The following FLRT2 variants were observed in gnomAD, a reference collection of about 807,000 sequenced individuals.
FLRT2 encodes fibronectin leucine rich transmembrane protein 2, also known as leucine-rich repeat transmembrane protein FLRT2.
A neutral mutation model predicts 40.0 loss-of-function variants in FLRT2; 15 were observed. That is an observed-to-expected ratio of 0.38 (90% confidence interval 0.25 to 0.58). The LOEUF (loss-of-function observed/expected upper bound fraction) is 0.58, where lower values mean the gene tolerates loss of function less well. Among genes scored for constraint, FLRT2 ranks in the 20% least tolerant of loss-of-function variants. FLRT2 has a pLI of 0.71. For synonymous variants in FLRT2, 380 were observed against 336.8 expected (o/e 1.13, Z -1.41); for missense variants, 726 against 840.0 (o/e 0.86, Z 1.68).
intron 1 of FLRT2, among the ~76,000 whole-genome samples, chr14:85,539,952 G>C (rs1008232682): frequency 6.6e-6 from 1 of 152,062 alleles, no homozygotes; most frequent in East Asian, 1.9e-4. Flanking sequence ...CTCCTTTTCT[G>C]AGTTTGCGCT....
chr14:85,615,877 T>G (rs1052803621), intron 1 of FLRT2, among the ~76,000 whole-genome samples: 4 of 152,226 alleles, frequency 2.6e-5, no homozygotes, highest in Admixed American at 2.0e-4. Context: ...CAATTCTTAT[T>G]TTCTGTACTA....
At chr14:85,583,635 C>A (rs780256899) in intron 1 of FLRT2, among the ~76,000 whole-genome samples, 1 of 152,094 alleles carries the variant, frequency 6.6e-6, no homozygotes, top group Non-Finnish European at 1.5e-5. Flanking sequence ...GCTCCTGGTC[C>A]GCTTAAAGAA....
intron 1 of FLRT2, among the ~76,000 whole-genome samples, chr14:85,578,915 G>A (rs538399956): frequency 6.6e-6 from 1 of 152,290 alleles, no homozygotes; most frequent in African/African-American, 2.4e-5. Context: ...GAGATGTCTT[G>A]CAAACTTGGG....
Position 85,623,551 on chromosome 14 carries a change from T to G in FLRT2, c.*54T>G. The G allele has an allele frequency of 7.6e-7, 1 of 1,319,204 alleles. No homozygotes were observed. The highest frequency in any genetic ancestry group is 1.0e-6 in the Non-Finnish European group (1 of 1,004,872). 81.7% of individuals were successfully genotyped at this position (1,319,204 alleles called of 1,614,324 possible). ...GACAATTAGACTCTTGAGAACACAC[T>G]CGTGTGTGCACATAAAGACACGCAG... On this transcript the variant is annotated 3_prime_UTR_variant, in exon 2 of 2. Transcript: ENST00000330753.
intron 1 of FLRT2, among the ~76,000 whole-genome samples, chr14:85,578,225 T>G (rs571214558): frequency 6.8e-6 from 1 of 146,690 alleles, no homozygotes; most frequent in African/African-American, 2.5e-5. Flanking sequence ...CGTATATATA[T>G]TTATATATTT....
intron 1 of FLRT2, among the ~76,000 whole-genome samples, chr14:85,583,095 T>G (rs1386743432): frequency 6.6e-6 from 1 of 152,128 alleles, no homozygotes; most frequent in Non-Finnish European, 1.5e-5. Context: ...GGGTTAGGAC[T>G]CTAGGAACTG....
At chr14:85,565,576 A>G (rs754074749) in intron 1 of FLRT2, among the ~76,000 whole-genome samples, 5 of 152,176 alleles carry the variant, frequency 3.3e-5, no homozygotes, top group Non-Finnish European at 7.3e-5. Context: ...AAATTTTTGA[A>G]TGATTTTAGA....
intron 1 of FLRT2, among the ~76,000 whole-genome samples, chr14:85,558,825 T>C (rs1447231931): frequency 6.6e-6 from 1 of 152,230 alleles, no homozygotes; most frequent in East Asian, 1.9e-4. Flanking sequence ...GGTTTGTCTT[T>C]AGAGTGATTG....
chr14:85,641,324 A>C lies in FLRT2; in HGVS notation c.*17827A>C, dbSNP rs1237981961. ...ATTTGCTGGACTCCATTATGTTTGG[A>C]TTCTATGTATAAATTAGGTTCTACC... On this transcript the variant is annotated 3_prime_UTR_variant, in exon 2 of 2. Transcript: ENST00000330753. 2 of 152,084 alleles carry C rather than the reference A, an allele frequency of 1.3e-5. No individual in the cohort carries two copies. The highest frequency in any genetic ancestry group is 4.8e-5 in the African/African-American group (2 of 41,400). 9.4% of individuals were successfully genotyped at this position (152,084 alleles called of 1,614,324 possible).
rs1217365595 is a variant in FLRT2, at chr14:85,627,418, T to C, written c.*3921T>C. ...TAGCAATGGGGAATGCTTGTCACTG[T>C]GGAGAAAGAGTTTTGTATATGTCTG... On this transcript the variant is annotated 3_prime_UTR_variant, in exon 2 of 2. Transcript: ENST00000330753. 6.0e-6 allele frequency: 1 copy of C among 167,094 alleles called. No individual in the cohort carries two copies. Among genetic ancestry groups the C allele is most frequent in the African/African-American group, 2.4e-5 (1 of 41,442 alleles). 10.4% of individuals were successfully genotyped at this position (167,094 alleles called of 1,614,324 possible).
chr14:85,535,904 TTTTTTTTTTTTTTTTTTG>T lies in FLRT2; in HGVS notation c.-377+5373_-377+5390del, dbSNP rs997286227. Among the ~76,000 whole-genome samples, 4 of 76,886 alleles carry T rather than the reference TTTTTTTTTTTTTTTTTTG, an allele frequency of 5.2e-5. 1 individual carries two copies. The highest frequency in any genetic ancestry group is 9.9e-5 in the Non-Finnish European group (4 of 40,282). 50.4% of individuals were successfully genotyped at this position (76,886 alleles called of 152,430 possible). A position where few individuals can be genotyped will look rare whatever the true frequency, so the allele number is the denominator to read the frequency against. ...TGGAAGGAATGCTGTTTTTTTTTTT[TTTTTTTTTTTTTTTTTTG>T]TTGTTGTTGTTGTTGTTGTTGTTTT... On this transcript the variant is annotated intron_variant, in intron 1 of 1. Transcript: ENST00000330753.
At chr14:85,565,726 T>A (rs1040513477) in intron 1 of FLRT2, among the ~76,000 whole-genome samples, 36 of 152,252 alleles carry the variant, frequency 2.4e-4, no homozygotes, top group South Asian at 4.2e-4. Flanking sequence ...GAAGTAGCAT[T>A]AAAAGAATCC....
intron 1 of FLRT2, among the ~76,000 whole-genome samples, chr14:85,573,654 G>A (rs1161847159): frequency 6.6e-6 from 1 of 152,140 alleles, no homozygotes; most frequent in African/African-American, 2.4e-5. Context: ...TGACAGCATG[G>A]AGTAAATTCT....
intron 1 of FLRT2, among the ~76,000 whole-genome samples, chr14:85,532,187 G>A (rs901955223): frequency 1.9e-4 from 29 of 152,210 alleles, no homozygotes; most frequent in Admixed American, 1.4e-3. Flanking sequence ...GGGGAGAGTT[G>A]AGCGGATCCC....
chr14:85,603,951 T>A lies in FLRT2; in HGVS notation c.-376-17188T>A, dbSNP rs146783556. Among the ~76,000 whole-genome samples the A allele has an allele frequency of 1.9e-3, 285 of 152,282 alleles. 3 individuals are homozygous for A. The highest frequency in any genetic ancestry group is 6.4e-3 in the African/African-American group (265 of 41,560). On this transcript the variant is annotated intron_variant, in intron 1 of 1. Coordinates refer to ENST00000330753, the MANE Select transcript of FLRT2 (RefSeq NM_013231.6). ...GATAACATAAGGTAACTTTTCCTTGTGTCTTGAGAGTGCCATTTTTACTGT... is the reference window on the plus strand; with the variant it reads ...GATAACATAAGGTAACTTTTCCTTGAGTCTTGAGAGTGCCATTTTTACTGT...
At chr14:85,535,373 C>G (rs1197666017) in intron 1 of FLRT2, among the ~76,000 whole-genome samples, 1 of 141,724 alleles carries the variant, frequency 7.1e-6, no homozygotes, top group African/African-American at 2.7e-5. Context: ...AAAACAACAA[C>G]ATTTTGAGGT....
chr14:85,573,882 G>A (rs1891007673), intron 1 of FLRT2, among the ~76,000 whole-genome samples: 2 of 152,316 alleles, frequency 1.3e-5, no homozygotes, highest in African/African-American at 4.8e-5. Flanking sequence ...AAGGCTCAGT[G>A]GAGTGAGTTG....
chr14:85,576,914 G>A (rs1010176669), intron 1 of FLRT2, among the ~76,000 whole-genome samples: 5 of 152,148 alleles, frequency 3.3e-5, no homozygotes, highest in Non-Finnish European at 5.9e-5. Flanking sequence ...ATGTGCACAC[G>A]TTTTGTATTT....
chr14:85,533,553 G>A (rs1227427536), intron 1 of FLRT2, among the ~76,000 whole-genome samples: 2 of 152,244 alleles, frequency 1.3e-5, no homozygotes, highest in African/African-American at 4.8e-5. Context: ...GCAGCTTTCT[G>A]CCGCCTTCCC....
Sources: allele counts gnomAD v4.1 joint callset (sites outside exome capture counted in the v4.1 genomes callset), GRCh38; gene constraint gnomAD v4.1.1; transcripts MANE v1.5; gene names NCBI Gene and HGNC (gene_info 2026-07-23, HGNC 2026-07-21).